Variants in SAMMSON observed in about 807,000 individuals in gnomAD.
The protein encoded by SAMMSON is survival associated mitochondrial melanoma specific oncogenic non-coding RNA.
intron 2 of SAMMSON, among the ~76,000 whole-genome samples, chr3:70,416,747 TG>T (rs1219920369): frequency 1.3e-5 from 2 of 152,188 alleles, no homozygotes; most frequent in Admixed American, 6.5e-5. Flanking sequence ...ATCACCAGCA[TG>T]AACCCCTTTA....
At chr3:70,031,250 A>T (rs2067064964) in intron 3 of SAMMSON, among the ~76,000 whole-genome samples, 1 of 152,188 alleles carries the variant, frequency 6.6e-6, no homozygotes, top group Admixed American at 6.5e-5. Context: ...AACATAAATG[A>T]ACCTTAAAAA....
chr3:70,275,090 C>G (rs964942834), intron 6 of SAMMSON, among the ~76,000 whole-genome samples: 1 of 152,088 alleles, frequency 6.6e-6, no homozygotes, highest in African/African-American at 2.4e-5. Context: ...TTATAACCTC[C>G]AAACAGAAGT....
intron 7 of SAMMSON, among the ~76,000 whole-genome samples, chr3:70,293,405 A>G (rs1702258564): frequency 6.6e-6 from 1 of 152,184 alleles, no homozygotes; most frequent in Non-Finnish European, 1.5e-5. Context: ...AGCCAAGGAT[A>G]CTTTGTAATA....
intron 4 of SAMMSON, chr3:70,125,982 A>G (rs753955402): frequency 1.2e-5 from 10 of 802,674 alleles, no homozygotes; most frequent in African/African-American, 1.0e-4. Context: ...GCAATGGCAT[A>G]TGGTCTTCAT....
At position 70,382,391 on chromosome 3, in the gene SAMMSON, G is replaced by A. The variant is rs536587839; in HGVS notation, n.914-7183G>A. On this transcript the variant is annotated intron_variant and non_coding_transcript_variant, in intron 9 of 9. Coordinates refer to ENST00000642114, the Ensembl canonical transcript of SAMMSON. Reference sequence around the variant, plus strand: ...TCTCTTAAGCACTCAGGTTACATCAGTGGTTCTCAAATGGGAGCAATTTTG... The same window carrying A: ...TCTCTTAAGCACTCAGGTTACATCAATGGTTCTCAAATGGGAGCAATTTTG... Among the ~76,000 whole-genome samples, 60 of 152,176 alleles carry A rather than the reference G, an allele frequency of 3.9e-4. 1 individual carries two copies. In the South Asian group the frequency reaches 0.012, roughly 31 times the overall value.
intron 6 of SAMMSON, among the ~76,000 whole-genome samples, chr3:70,267,893 A>C (rs1430300570): frequency 6.6e-6 from 1 of 152,050 alleles, no homozygotes; most frequent in Non-Finnish European, 1.5e-5. Flanking sequence ...AGACTTGAAA[A>C]TTTGAGCCAA....
chr3:70,296,407 T>C (rs1291552108), intron 7 of SAMMSON, among the ~76,000 whole-genome samples: 1 of 152,172 alleles, frequency 6.6e-6, no homozygotes, highest in African/African-American at 2.4e-5. Flanking sequence ...ATGGACCTAA[T>C]TTTAGATAAC....
intron 1 of SAMMSON, among the ~76,000 whole-genome samples, chr3:70,000,627 A>G (rs528493832): frequency 6.6e-6 from 1 of 152,310 alleles, no homozygotes; most frequent in East Asian, 1.9e-4. Flanking sequence ...TGCTTACTGT[A>G]TTAGTTAACA....
At chr3:70,073,375 A>G (rs1224711060) in intron 4 of SAMMSON, among the ~76,000 whole-genome samples, 1 of 152,084 alleles carries the variant, frequency 6.6e-6, no homozygotes, top group South Asian at 2.1e-4. Context: ...TATTTTATTT[A>G]TGGAATGCCC....
At chr3:70,334,512 C>G (rs920509126) in intron 7 of SAMMSON, among the ~76,000 whole-genome samples, 1 of 152,044 alleles carries the variant, frequency 6.6e-6, no homozygotes. Flanking sequence ...CACTTATGAC[C>G]TATAGGACAA....
chr3:70,112,528 A>G (rs1355785999), intron 4 of SAMMSON, among the ~76,000 whole-genome samples: 1 of 152,152 alleles, frequency 6.6e-6, no homozygotes, highest in Admixed American at 6.5e-5. Context: ...GGATATTGAT[A>G]TGGGAGAAAA....
chr3:70,023,997 T>G (rs542973940), intron 3 of SAMMSON, among the ~76,000 whole-genome samples: 1 of 143,156 alleles, frequency 7.0e-6, no homozygotes, highest in African/African-American at 2.7e-5. Flanking sequence ...GGTGCAGCTC[T>G]TCCTTCCTAT....
intron 4 of SAMMSON, among the ~76,000 whole-genome samples, chr3:70,153,542 G>A (rs1445386070): frequency 6.6e-6 from 1 of 151,844 alleles, no homozygotes; most frequent in African/African-American, 2.4e-5. Flanking sequence ...GCCTTCACCT[G>A]GGGAACATGA....
intron 4 of SAMMSON, among the ~76,000 whole-genome samples, chr3:70,207,176 C>CT (rs1701299312): frequency 6.6e-6 from 1 of 151,716 alleles, no homozygotes; most frequent in Non-Finnish European, 1.5e-5. Flanking sequence ...ATGTGGTGGG[C>CT]AATACTGCTG....
chr3:70,194,067 A>G (rs550178793), intron 4 of SAMMSON, among the ~76,000 whole-genome samples: 3 of 152,210 alleles, frequency 2.0e-5, no homozygotes, highest in Non-Finnish European at 4.4e-5. Context: ...GTAACTTCGT[A>G]TCTTCATTGC....
chr3:70,202,512 T>C (rs1173858343), intron 4 of SAMMSON, among the ~76,000 whole-genome samples: 4 of 152,172 alleles, frequency 2.6e-5, no homozygotes, highest in Non-Finnish European at 4.4e-5. Context: ...GTTCTTTGTA[T>C]ATTAAATCTC....
chr3:70,092,158 C>A (rs1275098130), intron 4 of SAMMSON, among the ~76,000 whole-genome samples: 1 of 151,978 alleles, frequency 6.6e-6, no homozygotes, highest in African/African-American at 2.4e-5. Context: ...CGAAGTGATA[C>A]TTGCTTTGAA....
chr3:70,411,819 C>A (rs988949762), intron 2 of SAMMSON, among the ~76,000 whole-genome samples: 3 of 152,142 alleles, frequency 2.0e-5, no homozygotes, highest in Non-Finnish European at 4.4e-5. Context: ...AACTGTGAGT[C>A]CATTAAACCT....
chr3:70,322,761 G>A (rs992325474), intron 7 of SAMMSON, among the ~76,000 whole-genome samples: 4 of 152,054 alleles, frequency 2.6e-5, no homozygotes, highest in Admixed American at 1.3e-4. Context: ...ATTGTAAGCA[G>A]TTTTATTTGA....
Sources: allele counts gnomAD v4.1 joint callset (sites outside exome capture counted in the v4.1 genomes callset), GRCh38; gene constraint gnomAD v4.1.1; transcripts MANE v1.5; gene names NCBI Gene and HGNC (gene_info 2026-07-23, HGNC 2026-07-21).